CHD5: variants seen among roughly 807,000 people sequenced by gnomAD.
CHD5 encodes the protein ATP-dependent chromatin remodeler CHD5.
CHD5 carries 69 observed loss-of-function variants against 230.3 expected under a neutral mutation model. That is an observed-to-expected ratio of 0.30 (90% CI 0.25 to 0.37). The LOEUF is 0.37. Ranked by LOEUF, CHD5 falls within the 10% of genes least tolerant of loss-of-function variation. The pLI, the probability that CHD5 is intolerant of heterozygous loss-of-function variation, is 1.00. For synonymous variants in CHD5, 1,064 were observed against 1,065.9 expected (o/e 1.00, Z 0.03); for missense variants, 1,827 against 2,622.8 (o/e 0.70, Z 6.63).
Position 6,148,971 on chromosome 1 carries a change from G to A in CHD5, c.1266C>T (p.Cys422=), listed in dbSNP as rs752520558. The change falls in exon 9 of 42, where the codon TGC becomes TGT. Residue 422 remains cysteine (C), a synonymous_variant. Transcript: ENST00000262450. ...EDDHMEFCRV[C]KDGGELLCCD... ...AGCAGAGCAGCTCGCCCCCGTCCTTGCACACGCGGCAGAACTCCATGTGGT... is the reference window on the plus strand; with the variant it reads ...AGCAGAGCAGCTCGCCCCCGTCCTTACACACGCGGCAGAACTCCATGTGGT... 6.2e-7 allele frequency: 1 copy of A among 1,607,444 alleles called. No individual in the cohort carries two copies. Among genetic ancestry groups the A allele is most frequent in the Non-Finnish European group, 8.5e-7 (1 of 1,177,132 alleles).
At chr1:6,147,905 G>C (rs1390051393) in intron 9 of CHD5, among the ~76,000 whole-genome samples, 1 of 152,062 alleles carries the variant, frequency 6.6e-6, no homozygotes, top group Non-Finnish European at 1.5e-5. Flanking sequence ...TGGGGGAGTG[G>C]AAGAGGGGAC....
At chr1:6,137,349 C>T (rs12063373) in intron 15 of CHD5, among the ~76,000 whole-genome samples, 2,367 of 152,290 alleles carry the variant, frequency 0.016, 52 homozygotes, top group African/African-American at 0.053. Flanking sequence ...TCAAGTGAAC[C>T]GCCCACCTCG....
intron 11 of CHD5, among the ~76,000 whole-genome samples, chr1:6,144,945 C>T (rs1666888054): frequency 6.6e-6 from 1 of 152,210 alleles, no homozygotes; most frequent in Non-Finnish European, 1.5e-5. Flanking sequence ...GGGAACAAAT[C>T]TGGGGGAGAT....
Position 6,148,892 on chromosome 1 carries a change from CGGG to C in CHD5, c.1342_1344del (p.Pro448del). 6.3e-7 allele frequency: 1 copy of C among 1,584,432 alleles called. No individual in the cohort carries two copies. The highest frequency in any genetic ancestry group is 8.6e-7 in the Non-Finnish European group (1 of 1,164,434). On this transcript the variant is annotated inframe_deletion, in exon 9 of 42. Coordinates refer to ENST00000262450, the MANE Select transcript of CHD5 (RefSeq NM_015557.3). ...CAGAGCCATTCACCGTTTGGGATCT[CGGG>C]CAGCGGCGGGTTGAGGCAATGCAGG...
chr1:6,132,614 A>T (rs554603087), intron 20 of CHD5, among the ~76,000 whole-genome samples: 2 of 152,218 alleles, frequency 1.3e-5, no homozygotes, highest in South Asian at 4.1e-4. Context: ...TCCCTGTTTT[A>T]TCTTTGTCTC....
chr1:6,127,028 C>T lies in CHD5; in HGVS notation c.3904-282G>A, dbSNP rs147373948. ...TGAGGTACTGAGTTGAATAAGCTCC[C>T]CCTTGCCTGCCCTCAGGAGGCTCCT... On this transcript the variant is annotated intron_variant, in intron 25 of 41. Transcript: ENST00000262450. The T allele has an allele frequency of 2.1e-4, 100 of 467,824 alleles. No homozygotes were observed. In the Middle Eastern group the frequency reaches 3.6e-3, roughly 17 times the overall value. 29.0% of individuals were successfully genotyped at this position (467,824 alleles called of 1,614,324 possible).
At chr1:6,141,553 T>C (rs1666828015) in intron 15 of CHD5, among the ~76,000 whole-genome samples, 1 of 148,682 alleles carries the variant, frequency 6.7e-6, no homozygotes, top group African/African-American at 2.5e-5. Context: ...ACGGGGAGGT[T>C]GCAGTGAGTC....
chr1:6,122,797 C>T (rs145262214), intron 31 of CHD5, among the ~76,000 whole-genome samples: 2 of 152,334 alleles, frequency 1.3e-5, no homozygotes, highest in East Asian at 3.9e-4. Context: ...CGGCCAGGCG[C>T]GGTGGCTCAC....
At position 6,143,819 on chromosome 1, in the gene CHD5, T is replaced by G; in HGVS notation, c.2043+4A>C. ...CCCACTGCTGCCCCACCCTCCCCAC[T>G]CACGTCCACAATGGGCGTGTCCGGC... is the stretch of plus-strand genomic sequence containing the variant. On this transcript the variant is annotated splice_donor_region_variant and intron_variant, in intron 13 of 41. Transcript: ENST00000262450. The G allele has an allele frequency of 2.3e-6, 2 of 860,902 alleles. No individual in the cohort carries two copies. Among genetic ancestry groups the G allele is most frequent in the Non-Finnish European group, 3.6e-6 (2 of 553,764 alleles). 53.3% of individuals were successfully genotyped at this position (860,902 alleles called of 1,614,324 possible).
rs1306864434 is a variant in CHD5 at position 6,103,192 on chromosome 1, C to T, written c.*2282G>A. On this transcript the variant is annotated 3_prime_UTR_variant, in exon 42 of 42. Coordinates refer to ENST00000262450, the MANE Select transcript of CHD5 (RefSeq NM_015557.3). ...CAAACCCGCTCTGACTCTAGTAGCC[C>T]ACCCCTCCCGGGCCCCGGGGTGCTG... is the stretch of plus-strand genomic sequence containing the variant. 1 of 152,558 alleles carries T rather than the reference C, an allele frequency of 6.6e-6. No homozygotes were observed. The highest frequency in any genetic ancestry group is 1.5e-5 in the Non-Finnish European group (1 of 68,132). The allele number at this position is 152,558 out of a possible 1,614,324, so 9.5% of individuals were successfully genotyped here. A position where few individuals can be genotyped will look rare whatever the true frequency, so the allele number is the denominator to read the frequency against.
intron 1 of CHD5, among the ~76,000 whole-genome samples, chr1:6,168,897 T>C (rs1199043906): frequency 4.6e-5 from 7 of 151,836 alleles, no homozygotes; most frequent in Non-Finnish European, 1.0e-4. Flanking sequence ...TGGGCGCCTG[T>C]AATTCCAACT....
rs1358718847 is a variant in CHD5 at position 6,128,001 on chromosome 1, G to C, written c.3903+45C>G. Reference sequence around the variant, plus strand: ...GGACACAGTGGGGGGCGGGGCTGCGGATGGAGGGCGGGGCTGCGGATGGAG... The same window carrying C: ...GGACACAGTGGGGGGCGGGGCTGCGCATGGAGGGCGGGGCTGCGGATGGAG... On this transcript the variant is annotated intron_variant, in intron 25 of 41. Transcript: ENST00000262450. The surrounding 1 kb of genome is among the most constrained non-coding windows in gnomAD (Gnocchi z 7.8). 6.8e-7 allele frequency: 1 copy of C among 1,468,938 alleles called. No individual in the cohort carries two copies. Among genetic ancestry groups the C allele is most frequent in the African/African-American group, 1.4e-5 (1 of 70,862 alleles). 91.0% of individuals were successfully genotyped at this position (1,468,938 alleles called of 1,614,324 possible).
At position 6,128,435 on chromosome 1, in the gene CHD5, C is replaced by T. The variant is rs929909939; in HGVS notation, c.3730+64G>A. The T allele has an allele frequency of 7.1e-7, 1 of 1,399,240 alleles. No individual in the cohort carries two copies. The highest frequency in any genetic ancestry group is 1.8e-5 in the Admixed American group (1 of 55,938). The allele number at this position is 1,399,240 out of a possible 1,614,324, so 86.7% of individuals were successfully genotyped here. Reference sequence around the variant, plus strand: ...CAAGTGAGGGCAGGTCAGGGAACCCCTCCTCTGCAGGAGCAGCCACCTGGT... The same window carrying T: ...CAAGTGAGGGCAGGTCAGGGAACCCTTCCTCTGCAGGAGCAGCCACCTGGT... On this transcript the variant is annotated intron_variant, in intron 24 of 41. Coordinates refer to ENST00000262450, the MANE Select transcript of CHD5 (RefSeq NM_015557.3). The surrounding 1 kb of genome is among the most constrained non-coding windows in gnomAD (Gnocchi z 7.8).
chr1:6,118,232 C>T (rs6690538), intron 33 of CHD5, among the ~76,000 whole-genome samples: 26,735 of 151,646 alleles, frequency 0.18, 2,652 homozygotes, highest in East Asian at 0.41. Context: ...AAAAATTAGC[C>T]GGGCGTGTTA....
chr1:6,170,299 C>G, intron 1 of CHD5, among the ~76,000 whole-genome samples: 1 of 152,172 alleles, frequency 6.6e-6, no homozygotes, highest in East Asian at 1.9e-4. Flanking sequence ...GCCCCCACCG[C>G]CCGGCCTGGG....
At position 6,130,624 on chromosome 1, in the gene CHD5, C is replaced by T. The variant is rs926207594; in HGVS notation, c.3263-296G>A. Among the ~76,000 whole-genome samples, 3 of 152,142 alleles carry T rather than the reference C, an allele frequency of 2.0e-5. No homozygotes were observed. The highest frequency in any genetic ancestry group is 1.3e-4 in the Admixed American group (2 of 15,284). On this transcript the variant is annotated intron_variant, in intron 21 of 41. Coordinates refer to ENST00000262450, the MANE Select transcript of CHD5 (RefSeq NM_015557.3). The surrounding 1 kb of genome is among the most constrained non-coding windows in gnomAD (Gnocchi z 4.9). The stretch of plus-strand genomic sequence containing the variant: ...GATGAGCAAAAAACAAAGTGCAAGC[C>T]GCCAGCAAGTACAAGCAGAGCCCTA...
chr1:6,163,375 C>T (rs770485298), intron 2 of CHD5, among the ~76,000 whole-genome samples: 1 of 152,224 alleles, frequency 6.6e-6, no homozygotes, highest in Non-Finnish European at 1.5e-5. Flanking sequence ...CCTGCCTCCA[C>T]CACATGGAGC....
At chr1:6,176,485 A>G (rs1247823742) in intron 1 of CHD5, among the ~76,000 whole-genome samples, 1 of 152,116 alleles carries the variant, frequency 6.6e-6, no homozygotes, top group East Asian at 1.9e-4. Flanking sequence ...ACATTTTCTG[A>G]AGCCCTCTCC....
chr1:6,112,020 G>C, intron 35 of CHD5, 120 bp downstream of exon 35: 1 of 1,413,536 alleles, frequency 7.1e-7, no homozygotes, highest in Non-Finnish European at 9.8e-7. Flanking sequence ...GCTAAGAAAG[G>C]TTATACGATG....
Sources: gnomAD v4.1 joint callset for allele counts (sites outside exome capture counted in the v4.1 genomes callset) on GRCh38, gnomAD v4.1.1 for gene constraint, Gnocchi (gnomAD v3.1) non-coding constraint, MANE v1.5 for transcripts, NCBI Gene and HGNC (gene_info 2026-07-23, HGNC 2026-07-21) for gene names.